Variants in SGMS1 observed in about 807,000 individuals in gnomAD.
SGMS1 encodes the protein phosphatidylcholine:ceramide cholinephosphotransferase 1.
SGMS1 carries 13 observed loss-of-function variants against 46.2 expected under a neutral mutation model. The observed-to-expected ratio is 0.28, with a 90% CI of 0.18 to 0.45. The LOEUF is 0.45. Among genes scored for constraint, SGMS1 ranks in the 20% least tolerant of loss-of-function variants. The probability of loss-of-function intolerance (pLI) is 1.00; values close to 1 mark genes in which losing one functional copy is unlikely to be tolerated. For missense variants in SGMS1, 324 were observed against 519.9 expected, an observed-to-expected ratio of 0.62 and a Z score of 3.66; for synonymous variants, 203 against 187.8, an observed-to-expected ratio of 1.08 and a Z score of -0.66.
At chr10:50,347,144 G>A (rs1847927621) in intron 6 of SGMS1, among the ~76,000 whole-genome samples, 1 of 152,178 alleles carries the variant, frequency 6.6e-6, no homozygotes, top group South Asian at 2.1e-4. Flanking sequence ...CTAAGTGTCT[G>A]TCTAGACTCC....
intron 2 of SGMS1, among the ~76,000 whole-genome samples, chr10:50,586,873 G>A (rs1838489215): frequency 6.6e-6 from 1 of 152,230 alleles, no homozygotes; most frequent in African/African-American, 2.4e-5. Flanking sequence ...GGGTGCCCCA[G>A]ATGGGTAAAC....
chr10:50,601,933 A>G (rs1223263795), intron 1 of SGMS1, among the ~76,000 whole-genome samples: 1 of 152,174 alleles, frequency 6.6e-6, no homozygotes, highest in Non-Finnish European at 1.5e-5. Flanking sequence ...TGCATGCAAC[A>G]AAGTTTTGAC....
At chr10:50,423,748 C>T (rs1849285352) in intron 6 of SGMS1, among the ~76,000 whole-genome samples, 1 of 152,126 alleles carries the variant, frequency 6.6e-6, no homozygotes, top group Admixed American at 6.5e-5. Context: ...TCCTTAAAAA[C>T]CTGTTTAACT....
chr10:50,596,475 G>GC (rs1300820946), intron 1 of SGMS1, among the ~76,000 whole-genome samples: 1 of 152,208 alleles, frequency 6.6e-6, no homozygotes, highest in Non-Finnish European at 1.5e-5. Context: ...ACCACGCCCA[G>GC]CCCAATTTCT....
intron 2 of SGMS1, among the ~76,000 whole-genome samples, chr10:50,539,146 C>T (rs994627584): frequency 2.6e-5 from 4 of 152,222 alleles, no homozygotes; most frequent in South Asian, 2.1e-4. Context: ...CTTCCCCTGC[C>T]GGGCTTCTCC....
intron 1 of SGMS1, chr10:50,623,472 T>C: frequency 1.5e-6 from 1 of 655,938 alleles, no homozygotes; most frequent in Admixed American, 6.3e-5. Flanking sequence ...GCCCGCCCCC[T>C]CCGAGCCCGG....
At chr10:50,575,264 T>C (rs577862857) in intron 2 of SGMS1, among the ~76,000 whole-genome samples, 97 of 152,154 alleles carry the variant, frequency 6.4e-4, no homozygotes, top group African/African-American at 2.1e-3. Flanking sequence ...TTTAAGAAGG[T>C]ATATCTGGGC....
chr10:50,517,328 T>C (rs1163276935), intron 3 of SGMS1, among the ~76,000 whole-genome samples: 1 of 151,920 alleles, frequency 6.6e-6, no homozygotes, highest in Non-Finnish European at 1.5e-5. Flanking sequence ...AATGAAACCA[T>C]CAAAAAATAC....
At chr10:50,544,139 T>C (rs1838079517) in intron 2 of SGMS1, among the ~76,000 whole-genome samples, 1 of 152,210 alleles carries the variant, frequency 6.6e-6, no homozygotes, top group African/African-American at 2.4e-5. Flanking sequence ...ATGACAACAA[T>C]AAAAACCATA....
At chr10:50,612,664 T>TC (rs2131932218) in intron 1 of SGMS1, among the ~76,000 whole-genome samples, 1 of 152,378 alleles carries the variant, frequency 6.6e-6, no homozygotes, top group East Asian at 1.9e-4. Flanking sequence ...CTCCAGGTTT[T>TC]ACATTCCTAG....
At chr10:50,392,164 A>G (rs1237040169) in intron 6 of SGMS1, among the ~76,000 whole-genome samples, 3 of 148,938 alleles carry the variant, frequency 2.0e-5, no homozygotes, top group Admixed American at 6.9e-5. Context: ...AAACCTGCAC[A>G]TGTACTCTGA....
At chr10:50,336,268 C>CT (rs1293334939) in intron 7 of SGMS1, 1 of 152,214 alleles carries the variant, frequency 6.6e-6, no homozygotes, top group African/African-American at 2.4e-5. Flanking sequence ...GGCTCTGAGC[C>CT]TAGATAGATA....
intron 3 of SGMS1, among the ~76,000 whole-genome samples, chr10:50,480,960 C>T (rs1456474505): frequency 6.6e-6 from 1 of 151,586 alleles, no homozygotes; most frequent in African/African-American, 2.4e-5. Context: ...GCAGGGCATC[C>T]CTGTGGGAAT....
intron 6 of SGMS1, among the ~76,000 whole-genome samples, chr10:50,425,632 A>G (rs1263654418): frequency 6.6e-6 from 1 of 152,206 alleles, no homozygotes; most frequent in African/African-American, 2.4e-5. Flanking sequence ...AAACCCACCT[A>G]TTGAGTACTA....
intron 3 of SGMS1, among the ~76,000 whole-genome samples, chr10:50,509,927 T>C (rs1163141137): frequency 6.6e-6 from 1 of 152,186 alleles, no homozygotes; most frequent in East Asian, 1.9e-4. Context: ...TTGCATGCAG[T>C]AATCCAATCT....
intron 5 of SGMS1, among the ~76,000 whole-genome samples, chr10:50,435,425 C>G (rs1352563710): frequency 6.6e-6 from 1 of 152,220 alleles, no homozygotes; most frequent in African/African-American, 2.4e-5. Context: ...TTCACAGACT[C>G]TTTCCTGATG....
intron 5 of SGMS1, among the ~76,000 whole-genome samples, chr10:50,452,663 T>C (rs1440511560): frequency 1.3e-5 from 2 of 152,086 alleles, no homozygotes; most frequent in Non-Finnish European, 1.5e-5. Context: ...ATTATAATGA[T>C]TGTACAGAGC....
chr10:50,412,017 C>A (rs1849107277), intron 6 of SGMS1, among the ~76,000 whole-genome samples: 1 of 152,142 alleles, frequency 6.6e-6, no homozygotes, highest in South Asian at 2.1e-4. Flanking sequence ...ATTTCACATG[C>A]CCCTTATGCT....
At chr10:50,545,109 C>A (rs1054443305) in intron 2 of SGMS1, among the ~76,000 whole-genome samples, 2 of 152,068 alleles carry the variant, frequency 1.3e-5, no homozygotes, top group Admixed American at 1.3e-4. Flanking sequence ...AGCTATTTCC[C>A]GGAAGCACAC....
Sources: allele counts gnomAD v4.1 joint callset (sites outside exome capture counted in the v4.1 genomes callset), GRCh38; gene constraint gnomAD v4.1.1; transcripts MANE v1.5; gene names NCBI Gene and HGNC (gene_info 2026-07-23, HGNC 2026-07-21).